Variants in HYCC1 observed in about 807,000 individuals in gnomAD.
The protein encoded by HYCC1 is hyccin.
At chr7:22,984,110 T>A in the HYCC1 span, 73 of 938,568 alleles carry the variant, frequency 7.8e-5, no homozygotes, top group South Asian at 8.9e-4. Context: ...AATCCATAGA[T>A]GCAGAAAGTA....
the HYCC1 span, among the ~76,000 whole-genome samples, chr7:23,010,394 A>G: frequency 6.6e-6 from 1 of 152,142 alleles, no homozygotes; most frequent in African/African-American, 2.4e-5. Context: ...CATTCCCTCA[A>G]ACAATATCAC....
chr7:22,942,466 A>C, the HYCC1 span: 2 of 152,124 alleles, frequency 1.3e-5, no homozygotes, highest in African/African-American at 4.8e-5. Context: ...TCCCTTGAAA[A>C]GTCTATTTTT....
At chr7:22,919,818 T>C in the HYCC1 span, among the ~76,000 whole-genome samples, 1 of 151,982 alleles carries the variant, frequency 6.6e-6, no homozygotes, top group Non-Finnish European at 1.5e-5. Context: ...TGGGAAACTT[T>C]TAAGTGCACC....
chr7:22,909,033 C>A, the HYCC1 span, among the ~76,000 whole-genome samples: 6 of 152,304 alleles, frequency 3.9e-5, no homozygotes, highest in African/African-American at 1.2e-4. Flanking sequence ...TTAACATGGT[C>A]CATGACCATG....
At chr7:22,993,437 T>C in the HYCC1 span, among the ~76,000 whole-genome samples, 1 of 152,116 alleles carries the variant, frequency 6.6e-6, no homozygotes, top group African/African-American at 2.4e-5. Flanking sequence ...CACCAAAAGA[T>C]ACCACTAGGA....
At chr7:22,904,188 T>C in the HYCC1 span, among the ~76,000 whole-genome samples, 1 of 151,666 alleles carries the variant, frequency 6.6e-6, no homozygotes, top group South Asian at 2.1e-4. Flanking sequence ...TCCCAGCACT[T>C]TGGAAGGCCA....
At chr7:22,905,596 T>G in the HYCC1 span, among the ~76,000 whole-genome samples, 1 of 151,886 alleles carries the variant, frequency 6.6e-6, no homozygotes, top group Non-Finnish European at 1.5e-5. Context: ...GATTTAATAA[T>G]ATAATTAAAG....
At chr7:22,972,510 C>T in the HYCC1 span, among the ~76,000 whole-genome samples, 1 of 151,998 alleles carries the variant, frequency 6.6e-6, no homozygotes, top group East Asian at 1.9e-4. Flanking sequence ...ATTTATATTC[C>T]ACATCAAAAA....
At chr7:23,013,312 G>A in the HYCC1 span, among the ~76,000 whole-genome samples, 3 of 152,226 alleles carry the variant, frequency 2.0e-5, no homozygotes, top group Non-Finnish European at 4.4e-5. Context: ...AGGAAGCGTG[G>A]CTGCTGTCTG....
At chr7:22,963,471 A>G in the HYCC1 span, among the ~76,000 whole-genome samples, 17 of 152,364 alleles carry the variant, frequency 1.1e-4, no homozygotes, top group Non-Finnish European at 1.9e-4. Flanking sequence ...AAAAAAATCC[A>G]TAAATGCTGA....
chr7:22,937,264 G>A, the HYCC1 span: 1 of 140,150 alleles, frequency 7.1e-6, no homozygotes, highest in Non-Finnish European at 1.6e-5. Context: ...GTGGATCTAG[G>A]ATACAAAAGT....
At chr7:22,993,717 C>T in the HYCC1 span, among the ~76,000 whole-genome samples, 1 of 151,966 alleles carries the variant, frequency 6.6e-6, no homozygotes, top group Non-Finnish European at 1.5e-5. Context: ...TACACACACA[C>T]ACGTACGCAT....
At chr7:23,002,708 T>C in the HYCC1 span, among the ~76,000 whole-genome samples, 1 of 152,112 alleles carries the variant, frequency 6.6e-6, no homozygotes, top group African/African-American at 2.4e-5. Flanking sequence ...ACAGGCAAAT[T>C]AAGGGTATTT....
chr7:22,963,151 A>C, the HYCC1 span, among the ~76,000 whole-genome samples: 1 of 152,200 alleles, frequency 6.6e-6, no homozygotes, highest in Non-Finnish European at 1.5e-5. Context: ...AATCATGAAC[A>C]ATCAAAAATT....
the HYCC1 span, among the ~76,000 whole-genome samples, chr7:22,927,171 A>G: frequency 3.9e-5 from 6 of 152,226 alleles, no homozygotes; most frequent in Non-Finnish European, 7.3e-5. Context: ...TCTCTGGGAC[A>G]CATTCAAAGA....
At chr7:22,923,314 G>A in the HYCC1 span, among the ~76,000 whole-genome samples, 5 of 152,090 alleles carry the variant, frequency 3.3e-5, no homozygotes, top group East Asian at 1.9e-4. Flanking sequence ...ATAACCAAAC[G>A]GTCAAAGAAG....
chr7:22,958,716 G>A, the HYCC1 span, among the ~76,000 whole-genome samples: 470 of 152,088 alleles, frequency 3.1e-3, 2 homozygotes, highest in African/African-American at 0.01. Flanking sequence ...TTAAATGTAC[G>A]CCTGGACATG....
At chr7:22,899,306 C>T in the HYCC1 span, among the ~76,000 whole-genome samples, 11 of 152,278 alleles carry the variant, frequency 7.2e-5, no homozygotes, top group African/African-American at 2.6e-4. Context: ...CGTGGCCCAA[C>T]TCCAAGGAAG....
chr7:22,985,270 G>A, the HYCC1 span, among the ~76,000 whole-genome samples: 1 of 152,140 alleles, frequency 6.6e-6, no homozygotes, highest in African/African-American at 2.4e-5. Flanking sequence ...AAATTAAACA[G>A]CATAAATTTT....
Sources: allele counts gnomAD v4.1 joint callset (sites outside exome capture counted in the v4.1 genomes callset), GRCh38; gene constraint gnomAD v4.1.1; transcripts MANE v1.5; gene names NCBI Gene and HGNC (gene_info 2026-07-23, HGNC 2026-07-21).